The following CTNNA3 variants were observed in gnomAD, a reference collection of about 807,000 sequenced individuals.
The protein encoded by CTNNA3 is catenin alpha-3.
In CTNNA3, 76 loss-of-function variants were observed where a neutral mutation model predicts 95.7. The ratio of observed to expected loss-of-function variants is 0.79; its 90% CI spans 0.66 to 0.96. The LOEUF is 0.96. Among genes scored for constraint, CTNNA3 ranks in the 40% least tolerant of loss-of-function variants. The pLI, the probability that CTNNA3 is intolerant of heterozygous loss-of-function variation, is 0.00. For synonymous variants in CTNNA3, 431 were observed against 374.4 expected (o/e 1.15, Z -1.74); for missense variants, 1,191 against 1,089.8 (o/e 1.09, Z -1.31).
intron 9 of CTNNA3, among the ~76,000 whole-genome samples, chr10:66,718,419 T>C (rs1388818617): frequency 6.6e-6 from 1 of 152,054 alleles, no homozygotes; most frequent in African/African-American, 2.4e-5. Context: ...GTTAATTGAC[T>C]ACAGTGGAGT....
intron 15 of CTNNA3, among the ~76,000 whole-genome samples, chr10:66,032,880 T>A (rs1217846722): frequency 1.3e-5 from 2 of 152,206 alleles, no homozygotes; most frequent in Admixed American, 6.5e-5. Context: ...GGTATTCAAT[T>A]TCTAATTTAC....
intron 14 of CTNNA3, among the ~76,000 whole-genome samples, chr10:66,102,575 T>A (rs1353176690): frequency 6.6e-6 from 1 of 152,174 alleles, no homozygotes; most frequent in Non-Finnish European, 1.5e-5. Flanking sequence ...TTGCAAGCGA[T>A]AAGTGGCTAG....
chr10:67,390,069 G>A (rs147652238), intron 5 of CTNNA3, among the ~76,000 whole-genome samples: 8 of 151,948 alleles, frequency 5.3e-5, no homozygotes, highest in Non-Finnish European at 7.4e-5. Context: ...AGAGCAGAAC[G>A]GAAGGAAATA....
intron 8 of CTNNA3, among the ~76,000 whole-genome samples, chr10:66,774,530 T>C (rs1055489910): frequency 6.7e-6 from 1 of 149,054 alleles, no homozygotes; most frequent in Non-Finnish European, 1.5e-5. Context: ...ACTTCAACAT[T>C]ATGTTTTTAT....
At chr10:66,547,577 C>T (rs907815882) in intron 10 of CTNNA3, among the ~76,000 whole-genome samples, 7 of 151,676 alleles carry the variant, frequency 4.6e-5, no homozygotes, top group East Asian at 3.9e-4. Flanking sequence ...CTCCTGACCT[C>T]GTAATCCACC....
chr10:66,286,668 G>A (rs1468362469), intron 12 of CTNNA3, among the ~76,000 whole-genome samples: 1 of 151,932 alleles, frequency 6.6e-6, no homozygotes, highest in Non-Finnish European at 1.5e-5. Context: ...AGGTTTATAG[G>A]GTGGGATCAC....
rs59003281 is a variant in CTNNA3, at chr10:66,328,933, T to TATATATATATATATATATATATAC, written c.1733-48313_1733-48312insGTATATATATATATATATATATAT. On this transcript the variant is annotated intron_variant, in intron 12 of 17. Coordinates refer to ENST00000433211, the MANE Select transcript of CTNNA3 (RefSeq NM_013266.4). ...ATACATATATATATATATATATATA[T>TATATATATATATATATATATATAC]ACACACACACATATAAATATAATTT... is the stretch of plus-strand genomic sequence containing the variant. 7.6e-3 allele frequency among the ~76,000 whole-genome samples: 869 copies of TATATATATATATATATATATATAC among 114,746 alleles called. 8 individuals carry two copies. Among genetic ancestry groups the TATATATATATATATATATATATAC allele is most frequent in the East Asian group, 0.012 (41 of 3,404 alleles). The allele number at this position is 114,746 out of a possible 152,430, so 75.3% of individuals were successfully genotyped here.
At chr10:65,931,787 G>T (rs927861137) in intron 17 of CTNNA3, among the ~76,000 whole-genome samples, 1 of 152,200 alleles carries the variant, frequency 6.6e-6, no homozygotes, top group African/African-American at 2.4e-5. Flanking sequence ...GATCAGCACA[G>T]CTGTCTCCTA....
At chr10:66,236,147 CAA>C (rs2089843688) in intron 13 of CTNNA3, among the ~76,000 whole-genome samples, 1 of 152,002 alleles carries the variant, frequency 6.6e-6, no homozygotes, top group Non-Finnish European at 1.5e-5. Context: ...AATGGAAAAA[CAA>C]AGGAACAAAC....
intron 7 of CTNNA3, among the ~76,000 whole-genome samples, chr10:67,025,614 A>G (rs1438183497): frequency 1.3e-5 from 2 of 152,168 alleles, no homozygotes; most frequent in Non-Finnish European, 2.9e-5. Flanking sequence ...CCCCTGGAGG[A>G]AGAATATTTT....
At chr10:66,758,657 G>C (rs184193414) in intron 9 of CTNNA3, among the ~76,000 whole-genome samples, 1 of 152,116 alleles carries the variant, frequency 6.6e-6, no homozygotes, top group Non-Finnish European at 1.5e-5. Flanking sequence ...ACTTTGGGCC[G>C]GGCATGGTGG....
intron 7 of CTNNA3, among the ~76,000 whole-genome samples, chr10:66,878,228 C>T (rs1238645497): frequency 1.3e-5 from 2 of 151,948 alleles, no homozygotes; most frequent in East Asian, 1.9e-4. Flanking sequence ...GTTTTTTGTC[C>T]GTTAAAACTC....
In CTNNA3 at chr10:67,577,722, G is replaced by GTGTA. The variant is rs1554856328; in HGVS notation, c.292+29134_292+29135insTACA. ...CACATATGTGTGTGTGTGTGTGTGT[G>GTGTA]TATATATACTACATTTTCTTTATCC... On this transcript the variant is annotated intron_variant, in intron 3 of 17. Coordinates refer to ENST00000433211, the MANE Select transcript of CTNNA3 (RefSeq NM_013266.4). Among the ~76,000 whole-genome samples the GTGTA allele has an allele frequency of 2.0e-5, 3 of 146,668 alleles. No individual in the cohort carries two copies. In the East Asian group the frequency reaches 6.6e-4, roughly 32 times the overall value.
intron 11 of CTNNA3, among the ~76,000 whole-genome samples, chr10:66,514,035 C>A (rs1840754564): frequency 6.6e-6 from 1 of 152,134 alleles, no homozygotes; most frequent in Admixed American, 6.6e-5. Flanking sequence ...TGGTGTGACA[C>A]TTGTTAGTGC....
chr10:66,996,216 A>G (rs1406369764), intron 7 of CTNNA3, among the ~76,000 whole-genome samples: 1 of 152,210 alleles, frequency 6.6e-6, no homozygotes, highest in African/African-American at 2.4e-5. Context: ...TTATATAATT[A>G]GAGATGTTAA....
intron 7 of CTNNA3, among the ~76,000 whole-genome samples, chr10:66,898,207 C>G (rs535610595): frequency 2.0e-5 from 3 of 152,250 alleles, no homozygotes; most frequent in Non-Finnish European, 2.9e-5. Context: ...TTTTAGAGAA[C>G]CAATCACTTA....
chr10:67,432,353 T>C (rs553780015), intron 5 of CTNNA3, among the ~76,000 whole-genome samples: 17 of 152,194 alleles, frequency 1.1e-4, no homozygotes, highest in African/African-American at 4.1e-4. Context: ...CTGAGGCTGC[T>C]TAAACAAATT....
At position 66,449,456 on chromosome 10, in the gene CTNNA3, C is replaced by A. The variant is rs868274907; in HGVS notation, c.1532-70104G>T. On this transcript the variant is annotated intron_variant, in intron 11 of 17. Coordinates refer to ENST00000433211, the MANE Select transcript of CTNNA3 (RefSeq NM_013266.4). ...GTCAAAATTACATGAAACAAATTGT[C>A]ATTTTGTTTTCCAATTGTTTGATTT... Among the ~76,000 whole-genome samples, 29 of 152,150 alleles carry A rather than the reference C, an allele frequency of 1.9e-4. 1 individual carries two copies. The Middle Eastern group carries it at 0.02, about 107-fold the overall frequency.
chr10:66,707,856 G>GA (rs1302704106), intron 9 of CTNNA3, among the ~76,000 whole-genome samples: 2 of 151,934 alleles, frequency 1.3e-5, no homozygotes, highest in Non-Finnish European at 2.9e-5. Flanking sequence ...TATCTCCTTA[G>GA]AAAAAAGCTA....
Sources: gnomAD v4.1 joint callset for allele counts (sites outside exome capture counted in the v4.1 genomes callset) on GRCh38, gnomAD v4.1.1 for gene constraint, MANE v1.5 for transcripts, NCBI Gene and HGNC (gene_info 2026-07-23, HGNC 2026-07-21) for gene names.